DYNC2H1: variants seen among roughly 807,000 people sequenced by gnomAD.
The protein encoded by DYNC2H1 is dynein cytoplasmic 2 heavy chain 1.
DYNC2H1 carries 410 observed loss-of-function variants against 570.0 expected under a neutral mutation model. The ratio of observed to expected loss-of-function variants is 0.72; its 90% confidence interval spans 0.66 to 0.78. The LOEUF (loss-of-function observed/expected upper bound fraction) is 0.78. Ranked by LOEUF, DYNC2H1 falls within the 30% of genes least tolerant of loss-of-function variation. The pLI, the probability that DYNC2H1 is intolerant of heterozygous loss-of-function variation, is 0.00. For synonymous variants in DYNC2H1, 1,688 were observed against 1,677.6 expected, an observed-to-expected ratio of 1.01 and a Z score of -0.15; for missense variants, 4,865 against 5,046.4, an observed-to-expected ratio of 0.96 and a Z score of 1.09.
intron 75 of DYNC2H1, among the ~76,000 whole-genome samples, chr11:103,293,893 A>G (rs1027068627): frequency 6.6e-6 from 1 of 152,086 alleles, no homozygotes; most frequent in African/African-American, 2.4e-5. Flanking sequence ...CCTGGCCAAC[A>G]TGGTGAAACC....
chr11:103,216,619 T>C (rs1863394755), intron 55 of DYNC2H1, among the ~76,000 whole-genome samples: 1 of 151,974 alleles, frequency 6.6e-6, no homozygotes, highest in African/African-American at 2.4e-5. Flanking sequence ...TAGTGAGACC[T>C]TATCTCTACA....
intron 82 of DYNC2H1, among the ~76,000 whole-genome samples, chr11:103,347,427 A>AT (rs141843248): frequency 8.7e-5 from 13 of 150,158 alleles, no homozygotes; most frequent in East Asian, 3.9e-4. Context: ...TAGTTATATC[A>AT]TTTTTTTTTT....
chr11:103,248,006 G>C (rs903405531), intron 65 of DYNC2H1, among the ~76,000 whole-genome samples: 1 of 152,040 alleles, frequency 6.6e-6, no homozygotes, highest in African/African-American at 2.4e-5. Context: ...CATGTTTGTT[G>C]ACAAGATATA....
In DYNC2H1 at chr11:103,161,005, A is replaced by T; in HGVS notation, c.4452A>T (p.Val1484=). Reference sequence around the variant, plus strand: ...TGAAATCTTTAGAGGGAGAAGTTGTACCTTTTAAAAATAAAGTTCCTCTAT... The same window carrying T: ...TGAAATCTTTAGAGGGAGAAGTTGTTCCTTTTAAAAATAAAGTTCCTCTAT... ...TAMKSLEGEV[V]PFKNKVPLSN... is the part of the protein sequence containing the mutation. Residue 1484 remains valine, a synonymous_variant, in exon 29 of 89, where the codon GTA becomes GTT. Transcript: ENST00000375735. 1 of 1,548,922 alleles carries T rather than the reference A, an allele frequency of 6.5e-7. No individual in the cohort carries two copies. Among genetic ancestry groups the T allele is most frequent in the South Asian group, 1.3e-5 (1 of 76,788 alleles).
chr11:103,340,069 C>T (rs7483434), intron 82 of DYNC2H1, among the ~76,000 whole-genome samples: 5 of 152,106 alleles, frequency 3.3e-5, no homozygotes, highest in Non-Finnish European at 5.9e-5. Context: ...GGTTACCTAG[C>T]TTATCCTTCC....
At chr11:103,358,177 A>G (rs1591627262) in intron 82 of DYNC2H1, 66 bp from the exon 83 acceptor site, 4 of 884,318 alleles carry the variant, frequency 4.5e-6, no homozygotes, top group Middle Eastern at 2.4e-4. Context: ...TTTTGTACCT[A>G]TGTTCTTTCT....
At chr11:103,187,726 CA>C in intron 43 of DYNC2H1, 140 bp downstream of exon 43, 1 of 1,063,138 alleles carries the variant, frequency 9.4e-7, no homozygotes, top group Non-Finnish European at 1.3e-6. Flanking sequence ...TGAAACACTT[CA>C]GTCTTGTTCC....
intron 29 of DYNC2H1, 127 bp from the exon 30 acceptor site, chr11:103,162,901 G>A: frequency 1.4e-6 from 1 of 735,144 alleles, no homozygotes; most frequent in Non-Finnish European, 2.0e-6. Flanking sequence ...CAATAGGAAA[G>A]TATAATACCC....
intron 8 of DYNC2H1, 58 bp from the exon 9 acceptor site, chr11:103,120,867 A>G (rs893511644): frequency 3.4e-6 from 4 of 1,167,296 alleles, no homozygotes; most frequent in Non-Finnish European, 4.4e-6. Flanking sequence ...AAAAATATAT[A>G]TATATTTACT....
chr11:103,362,513 A>G (rs1455183410), intron 83 of DYNC2H1, among the ~76,000 whole-genome samples: 1 of 151,922 alleles, frequency 6.6e-6, no homozygotes, highest in East Asian at 1.9e-4. Flanking sequence ...AGCTCAATCA[A>G]GATATATGAA....
chr11:103,414,413 G>A (rs1943203708), intron 84 of DYNC2H1, among the ~76,000 whole-genome samples: 1 of 152,112 alleles, frequency 6.6e-6, no homozygotes, highest in African/African-American at 2.4e-5. Context: ...GAGGTCAGGA[G>A]TTCAAGACCA....
intron 38 of DYNC2H1, 104 bp from the exon 39 acceptor site, chr11:103,178,922 A>G: frequency 2.6e-6 from 3 of 1,136,796 alleles, no homozygotes; most frequent in Non-Finnish European, 3.7e-6. Flanking sequence ...GCATATTTGT[A>G]GTACAAATTC....
chr11:103,444,077 T>C (rs1430391109), intron 85 of DYNC2H1, among the ~76,000 whole-genome samples: 1 of 151,786 alleles, frequency 6.6e-6, no homozygotes, highest in African/African-American at 2.4e-5. Flanking sequence ...TCTTGATACA[T>C]ATATTTTTGT....
rs944570041 is a variant in DYNC2H1, at chr11:103,474,970, A to G, written c.12766-4125A>G. ...TGTATGTTTTTAAGTCATTTTGCCCAAGGCATGGGCAAATTTTGTTGTGAG... is the reference window on the plus strand; with the variant it reads ...TGTATGTTTTTAAGTCATTTTGCCCGAGGCATGGGCAAATTTTGTTGTGAG... On this transcript the variant is annotated intron_variant, in intron 88 of 88. Coordinates refer to ENST00000375735, the MANE Select transcript of DYNC2H1 (RefSeq NM_001377.3). Among the ~76,000 whole-genome samples, 21 of 152,314 alleles carry G rather than the reference A, an allele frequency of 1.4e-4. 1 individual carries two copies. The highest frequency in any genetic ancestry group is 8.5e-4 in the Admixed American group (13 of 15,292).
intron 19 of DYNC2H1, 65 bp downstream of exon 19, chr11:103,147,952 T>TGAATTTCAC: frequency 8.8e-7 from 1 of 1,137,230 alleles, no homozygotes; most frequent in East Asian, 2.6e-5. Flanking sequence ...ACTTTGATAG[T>TGAATTTCAC]TATAAAATGT....
chr11:103,393,010 AGT>A (rs1379569231), intron 83 of DYNC2H1, among the ~76,000 whole-genome samples: 1 of 152,044 alleles, frequency 6.6e-6, no homozygotes, highest in East Asian at 1.9e-4. Flanking sequence ...CAGCCTCCCA[AGT>A]AGCTGGGATT....
chr11:103,437,316 T>G (rs1367571363), intron 85 of DYNC2H1, among the ~76,000 whole-genome samples: 1 of 152,130 alleles, frequency 6.6e-6, no homozygotes, highest in Non-Finnish European at 1.5e-5. Flanking sequence ...TGTGTACTGA[T>G]TCTGTCTGTT....
At chr11:103,451,887 G>A (rs1228734319) in intron 85 of DYNC2H1, among the ~76,000 whole-genome samples, 1 of 151,812 alleles carries the variant, frequency 6.6e-6, no homozygotes, top group African/African-American at 2.4e-5. Flanking sequence ...TCATATTTGT[G>A]GTAAATGTGT....
chr11:103,186,453 A>G lies in DYNC2H1; in HGVS notation c.6845A>G (p.Asp2282Gly). The change falls in exon 42 of 89, where the codon GAT (aspartate) becomes GGT (glycine). Residue 2282 changes from aspartate (D) to glycine (G), a missense_variant. Physicochemically the swap from Asp to Gly is moderately conservative, Grantham distance 94. This residue lies in a region of DYNC2H1 where 2,401 missense variants were observed against 2,454.6 expected (regional missense o/e 0.98). Transcript: ENST00000375735. This position sits in a 1 kb window ranked among gnomAD's most constrained non-coding sequence, Gnocchi z 4.5. ...LDYFKPWLSS[D>G]TKQPFILVGP... ...TATTTCAAACCATGGTTAAGTTCTG[A>G]TACTAAACAGCCCTTTATTCTGGTA... The G allele has an allele frequency of 6.2e-7, 1 of 1,612,454 alleles. No individual in the cohort carries two copies. The highest frequency in any genetic ancestry group is 1.1e-5 in the South Asian group (1 of 91,060).
Sources: gnomAD v4.1 joint callset for allele counts (sites outside exome capture counted in the v4.1 genomes callset) on GRCh38, gnomAD v4.1.1 for gene constraint, gnomAD v4.1.1 regional missense constraint, Gnocchi (gnomAD v3.1) non-coding constraint, MANE v1.5 for transcripts, NCBI Gene and HGNC (gene_info 2026-07-23, HGNC 2026-07-21) for gene names.